BCL7B: variants seen among roughly 807,000 people sequenced by gnomAD.
BCL7B encodes the protein B-cell CLL/lymphoma 7 protein family member B.
In BCL7B, 11 loss-of-function variants were observed where a neutral mutation model predicts 26.5. That is an observed-to-expected ratio of 0.42 (90% CI 0.26 to 0.69). The LOEUF (loss-of-function observed/expected upper bound fraction) is 0.69, where lower values mean the gene tolerates loss of function less well. Among genes scored for constraint, BCL7B ranks in the 30% least tolerant of loss-of-function variants. BCL7B has a pLI of 0.28. For missense variants in BCL7B, 215 were observed against 264.4 expected, an observed-to-expected ratio of 0.81 and a Z score of 1.30; for synonymous variants, 111 against 107.9, an observed-to-expected ratio of 1.03 and a Z score of -0.18.
At chr7:73,557,315 GC>G in intron 1 of BCL7B, 171 bp downstream of exon 1, 2 of 1,167,194 alleles carry the variant, frequency 1.7e-6, no homozygotes, top group Non-Finnish European at 2.1e-6. Context: ...ATTGGCCGCG[GC>G]CGGCGCGCCC....
At chr7:73,557,205 A>T in intron 1 of BCL7B, 2 of 1,047,164 alleles carry the variant, frequency 1.9e-6, no homozygotes, top group South Asian at 4.6e-5. Context: ...CACCGACGCC[A>T]GGCAGCTCCA....
intron 1 of BCL7B, among the ~76,000 whole-genome samples, chr7:73,552,747 C>T (rs963725806): frequency 6.6e-6 from 1 of 151,740 alleles, no homozygotes; most frequent in Non-Finnish European, 1.5e-5. Context: ...CGCCACCACA[C>T]TCCAGCCTGG....
intron 2 of BCL7B, among the ~76,000 whole-genome samples, chr7:73,547,205 G>A (rs540080590): frequency 3.3e-5 from 5 of 152,192 alleles, no homozygotes; most frequent in Admixed American, 2.0e-4. Flanking sequence ...GCTCACACCT[G>A]TGATCCCAGC....
At chr7:73,549,948 T>G (rs1383117112) in intron 2 of BCL7B, among the ~76,000 whole-genome samples, 1 of 152,086 alleles carries the variant, frequency 6.6e-6, no homozygotes, top group Non-Finnish European at 1.5e-5. Flanking sequence ...AGGAAGAGGA[T>G]GGGAAGAGCT....
rs116629482 is a variant in BCL7B at position 73,542,287 on chromosome 7, G to A, written c.265+1261C>T. 3.0e-3 allele frequency among the ~76,000 whole-genome samples: 460 copies of A among 152,320 alleles called. 1 individual carries two copies. The highest frequency in any genetic ancestry group is 9.7e-3 in the African/African-American group (405 of 41,580). Reference sequence around the variant, plus strand: ...CCTCATATGTCTCCCAGAGCCTTCTGACTACTGAACACACGTTGGTGTTCC... The same window carrying A: ...CCTCATATGTCTCCCAGAGCCTTCTAACTACTGAACACACGTTGGTGTTCC... On this transcript the variant is annotated intron_variant, in intron 3 of 5. Transcript: ENST00000223368.
chr7:73,548,693 AGCCGAGGCGG>A (rs202077879), intron 2 of BCL7B, among the ~76,000 whole-genome samples: 6,476 of 152,176 alleles, frequency 0.043, 185 homozygotes, highest in Non-Finnish European at 0.066. Context: ...CACTTTGGCA[AGCCGAGGCGG>A]GCGGATCACC....
intron 4 of BCL7B, among the ~76,000 whole-genome samples, chr7:73,538,815 TAAAAAAAAAAAAAA>T (rs1159395373): frequency 1.1e-5 from 1 of 94,572 alleles, no homozygotes; most frequent in Admixed American, 1.3e-4. Context: ...CCTATCTCTT[TAAAAAAAAAAAAAA>T]AAAAAAAAAG....
At position 73,545,993 on chromosome 7, in the gene BCL7B, G is replaced by A. The variant is rs1459103988; in HGVS notation, c.169-2349C>T. ...AAAAATACAAAAAAATTAGCTGAGC[G>A]TGGTGGCGGGTGCCTGTAGTCCCAG... On this transcript the variant is annotated intron_variant, in intron 2 of 5. Transcript: ENST00000223368. Among the ~76,000 whole-genome samples the A allele has an allele frequency of 2.0e-5, 3 of 152,046 alleles. No homozygotes were observed. In the East Asian group the frequency reaches 5.8e-4, roughly 29 times the overall value.
Position 73,557,626 on chromosome 7 carries a change from G to T in BCL7B, c.-48C>A, listed in dbSNP as rs1792428038. 9.8e-6 allele frequency: 11 copies of T among 1,117,208 alleles called. No homozygotes were observed. Among genetic ancestry groups the T allele is most frequent in the Admixed American group, 4.8e-5 (1 of 20,914 alleles). 69.2% of individuals were successfully genotyped at this position (1,117,208 alleles called of 1,614,324 possible). The stretch of plus-strand genomic sequence containing the variant: ...GCCGGGGCACTGCTCCCAAGACACC[G>T]GGGATCGCGCGCCTCACGCGCCGCC... On this transcript the variant is annotated 5_prime_UTR_variant, in exon 1 of 6. Coordinates refer to ENST00000223368, the MANE Select transcript of BCL7B (RefSeq NM_001707.4).
intron 3 of BCL7B, chr7:73,542,792 A>G (rs1791816047): frequency 2.9e-6 from 1 of 350,240 alleles, no homozygotes; most frequent in Non-Finnish European, 5.8e-6. Context: ...ATGATAAAAC[A>G]TACAGTCTAG....
intron 2 of BCL7B, among the ~76,000 whole-genome samples, chr7:73,548,130 G>A (rs1166650605): frequency 6.6e-6 from 1 of 151,920 alleles, no homozygotes; most frequent in Non-Finnish European, 1.5e-5. Flanking sequence ...AAATGTAGGT[G>A]CATGAAATTT....
chr7:73,541,449 A>C (rs1338161709), intron 3 of BCL7B, among the ~76,000 whole-genome samples: 4 of 151,754 alleles, frequency 2.6e-5, no homozygotes, highest in Non-Finnish European at 4.4e-5. Context: ...CTAAGGGAGA[A>C]ATGTCATACC....
intron 4 of BCL7B, chr7:73,539,645 G>A (rs1291376910): frequency 2.1e-6 from 1 of 477,174 alleles, no homozygotes; most frequent in African/African-American, 1.9e-5. Flanking sequence ...GAGAATTATA[G>A]CAGGCGTCAA....
At chr7:73,552,140 T>G in intron 2 of BCL7B, 27 bp downstream of exon 2, 1 of 1,541,964 alleles carries the variant, frequency 6.5e-7, no homozygotes, top group Non-Finnish European at 8.9e-7. Flanking sequence ...AAGAAAATGG[T>G]ATCTTTTGAT....
intron 2 of BCL7B, among the ~76,000 whole-genome samples, chr7:73,548,498 T>C (rs1321008513): frequency 1.3e-5 from 2 of 151,932 alleles, no homozygotes; most frequent in African/African-American, 2.4e-5. Context: ...GTGACTGTAG[T>C]CCCAGCTACT....
At chr7:73,547,113 T>C (rs782180100) in intron 2 of BCL7B, among the ~76,000 whole-genome samples, 3 of 151,138 alleles carry the variant, frequency 2.0e-5, no homozygotes, top group Non-Finnish European at 4.4e-5. Context: ...GATTGTGCCA[T>C]TGCACTCCAG....
At chr7:73,551,615 A>C (rs1792176716) in intron 2 of BCL7B, among the ~76,000 whole-genome samples, 1 of 151,976 alleles carries the variant, frequency 6.6e-6, no homozygotes. Context: ...GTTATGTTCT[A>C]ATAGAACTAT....
At chr7:73,554,796 C>CAAA (rs550024405) in intron 1 of BCL7B, among the ~76,000 whole-genome samples, 7 of 60,826 alleles carry the variant, frequency 1.2e-4, no homozygotes, top group African/African-American at 2.9e-4. Context: ...GACTGGGTCT[C>CAAA]AAAAAAAAAA....
intron 5 of BCL7B, 117 bp downstream of exon 5, chr7:73,537,817 G>T: frequency 1.5e-6 from 1 of 661,602 alleles, no homozygotes; most frequent in Non-Finnish European, 2.5e-6. Context: ...GAACCCAGGA[G>T]GCAGTGGAGG....
Sources: gnomAD v4.1 joint callset for allele counts (sites outside exome capture counted in the v4.1 genomes callset) on GRCh38, gnomAD v4.1.1 for gene constraint, MANE v1.5 for transcripts, NCBI Gene and HGNC (gene_info 2026-07-23, HGNC 2026-07-21) for gene names.